Variants in WWTR1 observed in about 807,000 individuals in gnomAD.
The protein encoded by WWTR1 is WW domain-containing transcription regulator protein 1.
Under a neutral mutation model 40.1 loss-of-function variants are expected in WWTR1, and 13 were observed. The ratio of observed to expected loss-of-function variants is 0.32; its 90% CI spans 0.21 to 0.52. The LOEUF (loss-of-function observed/expected upper bound fraction) is 0.52, where lower values mean the gene tolerates loss of function less well. Ranked by LOEUF, WWTR1 falls within the 20% of genes least tolerant of loss-of-function variation. The pLI, the probability that WWTR1 is intolerant of heterozygous loss-of-function variation, is 0.97. For missense variants in WWTR1, 436 were observed against 523.1 expected (o/e 0.83, Z 1.63); for synonymous variants, 230 against 210.1 (o/e 1.09, Z -0.82).
At chr3:149,701,385 G>C (rs1179713999) in intron 1 of WWTR1, among the ~76,000 whole-genome samples, 4 of 152,072 alleles carry the variant, frequency 2.6e-5, no homozygotes, top group African/African-American at 9.7e-5. Flanking sequence ...ACGTGGAGTT[G>C]CTCCTAACCA....
intron 2 of WWTR1, among the ~76,000 whole-genome samples, chr3:149,642,791 G>T (rs975130308): frequency 6.8e-6 from 1 of 148,110 alleles, no homozygotes; most frequent in Non-Finnish European, 1.5e-5. Flanking sequence ...AAAAAAAAAA[G>T]AAATCCTTAT....
chr3:149,602,248 G>A (rs1291620459), intron 2 of WWTR1, among the ~76,000 whole-genome samples: 3 of 152,188 alleles, frequency 2.0e-5, no homozygotes, highest in Admixed American at 2.0e-4. Flanking sequence ...TCCGTCTGCA[G>A]AGTCATGATA....
intron 2 of WWTR1, among the ~76,000 whole-genome samples, chr3:149,591,097 G>A (rs1188211576): frequency 6.6e-6 from 1 of 151,798 alleles, no homozygotes; most frequent in East Asian, 1.9e-4. Context: ...ATGTGATCCT[G>A]TAGTTGTTAG....
At position 149,532,530 on chromosome 3, in the gene WWTR1, A is replaced by C. The variant is rs577593224; in HGVS notation, c.772-4561T>G. Among the ~76,000 whole-genome samples the C allele has an allele frequency of 1.1e-4, 16 of 152,324 alleles. 1 individual carries two copies. The South Asian group carries it at 3.1e-3, about 30-fold the overall frequency. On this transcript the variant is annotated intron_variant, in intron 4 of 6. Coordinates refer to ENST00000360632, the MANE Select transcript of WWTR1 (RefSeq NM_015472.6). ...TAGTGAGATGTTTTACTTCACTTAA[A>C]TTTTATAATACGAGTTCTATATTTA...
intron 3 of WWTR1, among the ~76,000 whole-genome samples, chr3:149,546,295 T>A (rs1312493832): frequency 6.6e-6 from 1 of 152,266 alleles, no homozygotes; most frequent in Non-Finnish European, 1.5e-5. Flanking sequence ...CAGAGCAGTT[T>A]GTACAAGGAT....
chr3:149,703,225 A>G (rs1168129011), exon 1 of WWTR1: 1 of 152,332 alleles, frequency 6.6e-6, no homozygotes, highest in Admixed American at 6.5e-5. Flanking sequence ...AAATGAGTCA[A>G]TATAAGGCCT....
intron 4 of WWTR1, among the ~76,000 whole-genome samples, chr3:149,541,771 C>T (rs962610960): frequency 6.6e-6 from 1 of 152,116 alleles, no homozygotes; most frequent in African/African-American, 2.4e-5. Context: ...ACTCTGAGAT[C>T]GCCACACCAT....
At chr3:149,529,450 A>C (rs1735471014) in intron 4 of WWTR1, among the ~76,000 whole-genome samples, 1 of 152,232 alleles carries the variant, frequency 6.6e-6, no homozygotes, top group Non-Finnish European at 1.5e-5. Flanking sequence ...TACTGAAATA[A>C]ATCTAGCTGG....
At chr3:149,531,326 C>T (rs1188115573) in intron 4 of WWTR1, among the ~76,000 whole-genome samples, 2 of 152,178 alleles carry the variant, frequency 1.3e-5, no homozygotes, top group African/African-American at 2.4e-5. Flanking sequence ...ATTCCAAAAT[C>T]ATTCTTAGGT....
chr3:149,635,349 A>C (rs1376355172), intron 2 of WWTR1, among the ~76,000 whole-genome samples: 1 of 152,220 alleles, frequency 6.6e-6, no homozygotes, highest in East Asian at 1.9e-4. Context: ...GGTTTAAGTA[A>C]CATTACAGTC....
At chr3:149,603,382 T>A (rs1739336992) in intron 2 of WWTR1, among the ~76,000 whole-genome samples, 1 of 152,234 alleles carries the variant, frequency 6.6e-6, no homozygotes, top group Non-Finnish European at 1.5e-5. Flanking sequence ...CAAGGAATTT[T>A]GACATCTTAA....
intron 4 of WWTR1, among the ~76,000 whole-genome samples, chr3:149,718,869 A>T (rs1199030219): frequency 6.6e-6 from 1 of 151,606 alleles, no homozygotes; most frequent in Non-Finnish European, 1.5e-5. Flanking sequence ...TCTGTTGCCC[A>T]GGCTGGAGTG....
At chr3:149,681,931 T>C (rs1204370105) in intron 1 of WWTR1, among the ~76,000 whole-genome samples, 1 of 152,196 alleles carries the variant, frequency 6.6e-6, no homozygotes, top group Non-Finnish European at 1.5e-5. Context: ...GTTTCAGTTA[T>C]GTGAGATGAA....
intron 2 of WWTR1, among the ~76,000 whole-genome samples, chr3:149,656,538 C>CT (rs749481541): frequency 1.3e-5 from 2 of 152,088 alleles, no homozygotes; most frequent in Non-Finnish European, 2.9e-5. Flanking sequence ...GACTATCTGA[C>CT]TTAGAGTGGC....
At chr3:149,693,470 G>GA (rs71138405) in intron 1 of WWTR1, among the ~76,000 whole-genome samples, 101,807 of 151,350 alleles carry the variant, frequency 0.67, 34,357 homozygotes, top group Middle Eastern at 0.72. Flanking sequence ...CACATAAACA[G>GA]AAAAAAAAAT....
intron 2 of WWTR1, among the ~76,000 whole-genome samples, chr3:149,621,433 T>C (rs1740259510): frequency 6.6e-6 from 1 of 152,046 alleles, no homozygotes; most frequent in African/African-American, 2.4e-5. Context: ...CTGTAATAAA[T>C]AAGGCCCCGA....
rs1423877946 is a variant in WWTR1, at chr3:149,657,067, C to G, written c.240G>C (p.Gly80=). 1.3e-6 allele frequency: 2 copies of G among 1,569,990 alleles called. No individual in the cohort carries two copies. The highest frequency in any genetic ancestry group is 2.7e-5 in the African/African-American group (2 of 74,418). The part of the protein sequence containing the change: ...SGGHPGPRLA[G]GAQHVRSHSS... ...AGTGCGAGCGGACATGCTGGGCACC[C>G]CCAGCCAGTCGAGGCCCCGGGTGGC... The change falls in exon 2 of 7, where the codon GGG becomes GGC. Residue 80 remains glycine, a synonymous_variant. Coordinates refer to ENST00000360632, the MANE Select transcript of WWTR1 (RefSeq NM_015472.6).
At chr3:149,640,765 A>C (rs923627777) in intron 2 of WWTR1, among the ~76,000 whole-genome samples, 5 of 152,172 alleles carry the variant, frequency 3.3e-5, no homozygotes, top group African/African-American at 1.2e-4. Flanking sequence ...TACTCTTAGA[A>C]ACTGGCAGAT....
intron 2 of WWTR1, among the ~76,000 whole-genome samples, chr3:149,632,078 T>G (rs1309538481): frequency 6.6e-6 from 1 of 152,066 alleles, no homozygotes; most frequent in Non-Finnish European, 1.5e-5. Flanking sequence ...CCACAGCTAA[T>G]TTTTTGCATG....
Sources: gnomAD v4.1 joint callset for allele counts (sites outside exome capture counted in the v4.1 genomes callset) on GRCh38, gnomAD v4.1.1 for gene constraint, MANE v1.5 for transcripts, NCBI Gene and HGNC (gene_info 2026-07-23, HGNC 2026-07-21) for gene names.